Variants in GRM4 observed in about 807,000 individuals in gnomAD.
GRM4 encodes the protein metabotropic glutamate receptor 4.
A neutral mutation model predicts 81.7 loss-of-function variants in GRM4; 28 were observed. The observed-to-expected ratio is 0.34, with a 90% CI of 0.25 to 0.47. GRM4 has a LOEUF of 0.47. Ranked by LOEUF, GRM4 falls within the 20% of genes least tolerant of loss-of-function variation. GRM4 has a pLI of 1.00. For missense variants in GRM4, 948 were observed against 1,290.0 expected (o/e 0.73, Z 4.06); for synonymous variants, 488 against 528.8 (o/e 0.92, Z 1.06).
At chr6:34,083,965 CT>C (rs1221688064) in intron 3 of GRM4, among the ~76,000 whole-genome samples, 1 of 152,212 alleles carries the variant, frequency 6.6e-6, no homozygotes, top group Non-Finnish European at 1.5e-5. Flanking sequence ...GGGGTCACCC[CT>C]GACATCCACT....
chr6:34,063,523 A>ACACACACACGCATG (rs1766287792), intron 3 of GRM4: 2 of 152,622 alleles, frequency 1.3e-5, no homozygotes, highest in African/African-American at 4.8e-5. Flanking sequence ...AGGACACAAC[A>ACACACACACGCATG]CACACACACG....
At chr6:34,141,523 C>A (rs1287415942) in intron 1 of GRM4, among the ~76,000 whole-genome samples, 1 of 152,294 alleles carries the variant, frequency 6.6e-6, no homozygotes, top group Non-Finnish European at 1.5e-5. Context: ...ACTGCTGCCA[C>A]GAGATTGCTA....
At chr6:34,153,832 C>T (rs1416042927) in intron 1 of GRM4, among the ~76,000 whole-genome samples, 1 of 151,142 alleles carries the variant, frequency 6.6e-6, no homozygotes, top group East Asian at 1.9e-4. Context: ...GAGGCTGAGG[C>T]ATGAGAATCA....
chr6:34,140,050 C>T (rs890337211), intron 1 of GRM4, among the ~76,000 whole-genome samples: 1 of 151,974 alleles, frequency 6.6e-6, no homozygotes, highest in Admixed American at 6.5e-5. Flanking sequence ...TTCAGGGGAT[C>T]AGGCGATATG....
At position 34,133,575 on chromosome 6, in the gene GRM4, G is replaced by T; in HGVS notation, c.-79C>A. On this transcript the variant is annotated 5_prime_UTR_variant, in exon 2 of 11. Coordinates refer to ENST00000538487, the MANE Select transcript of GRM4 (RefSeq NM_000841.4). The surrounding 1 kb of genome is among the most constrained non-coding windows in gnomAD (Gnocchi z 6.5). ...GCCCCTGGCCCCACGGCCTGGGTGG[G>T]CATGGGCAGGGCAGCTTCAGCAGCA... 1 of 1,491,416 alleles carries T rather than the reference G, an allele frequency of 6.7e-7. No individual in the cohort carries two copies. The highest frequency in any genetic ancestry group is 8.9e-7 in the Non-Finnish European group (1 of 1,128,434). 92.4% of individuals were successfully genotyped at this position (1,491,416 alleles called of 1,614,324 possible).
rs1766639026 is a variant in GRM4 at position 34,069,056 on chromosome 6, G to A, written c.737-7028C>T. On this transcript the variant is annotated intron_variant, in intron 3 of 10. Transcript: ENST00000538487. This position sits in a 1 kb window ranked among gnomAD's most constrained non-coding sequence, Gnocchi z 6.4. ...GCAATTTCCAGTGGGGTAGGGGGTGGGGAGTTACACACAGGGACAGGGGCA... is the reference window on the plus strand; with the variant it reads ...GCAATTTCCAGTGGGGTAGGGGGTGAGGAGTTACACACAGGGACAGGGGCA... Among the ~76,000 whole-genome samples, 1 of 152,038 alleles carries A rather than the reference G, an allele frequency of 6.6e-6. No individual in the cohort carries two copies. The highest frequency in any genetic ancestry group is 1.5e-5 in the Non-Finnish European group (1 of 67,998).
intron 8 of GRM4, among the ~76,000 whole-genome samples, chr6:34,037,329 C>T (rs1019725143): frequency 2.0e-5 from 3 of 152,236 alleles, no homozygotes; most frequent in Admixed American, 2.0e-4. Flanking sequence ...TTGTCACACC[C>T]TACTGAATAT....
chr6:34,103,994 C>T, intron 2 of GRM4: 1 of 411,818 alleles, frequency 2.4e-6, no homozygotes, highest in Admixed American at 4.7e-5. Context: ...CTTGGTAACC[C>T]TCACCACGGC....
chr6:34,144,232 T>A (rs1178293178), intron 1 of GRM4, among the ~76,000 whole-genome samples: 2 of 152,178 alleles, frequency 1.3e-5, no homozygotes, highest in African/African-American at 4.8e-5. Flanking sequence ...CAGACCGCCC[T>A]GGTGCGGGGG....
chr6:34,072,054 C>T (rs1766922847), intron 3 of GRM4, among the ~76,000 whole-genome samples: 1 of 152,228 alleles, frequency 6.6e-6, no homozygotes, highest in Non-Finnish European at 1.5e-5. Flanking sequence ...GCCACACACA[C>T]ACCCATACAT....
chr6:34,076,547 C>A (rs1017849401), intron 3 of GRM4, among the ~76,000 whole-genome samples: 11 of 152,210 alleles, frequency 7.2e-5, no homozygotes, highest in African/African-American at 2.7e-4. Flanking sequence ...TGGCCCACAC[C>A]GGGGAGGAGG....
Position 34,070,774 on chromosome 6 carries a change from C to A in GRM4, c.737-8746G>T, listed in dbSNP as rs928476776. Among the ~76,000 whole-genome samples the A allele has an allele frequency of 3.5e-5, 5 of 144,604 alleles. No individual in the cohort carries two copies. Among genetic ancestry groups the A allele is most frequent in the Non-Finnish European group, 7.5e-5 (5 of 66,288 alleles). The allele number at this position is 144,604 out of a possible 152,430, so 94.9% of individuals were successfully genotyped here. A position where few individuals can be genotyped will look rare whatever the true frequency, so the allele number is the denominator to read the frequency against. The stretch of plus-strand genomic sequence containing the variant: ...GAAGGCTCTCAGCACCCCCACCACA[C>A]CCCCGCCACACCCCCAGCCACACAC... On this transcript the variant is annotated intron_variant, in intron 3 of 10. Transcript: ENST00000538487. The surrounding 1 kb of genome is among the most constrained non-coding windows in gnomAD (Gnocchi z 4.6).
chr6:34,099,755 CG>C (rs1158684014), intron 2 of GRM4, among the ~76,000 whole-genome samples: 1 of 152,120 alleles, frequency 6.6e-6, no homozygotes, highest in African/African-American at 2.4e-5. Flanking sequence ...GGGGAAATGG[CG>C]GGGGGCACCT....
At chr6:34,107,847 G>A (rs1015119350) in intron 2 of GRM4, among the ~76,000 whole-genome samples, 5 of 152,200 alleles carry the variant, frequency 3.3e-5, no homozygotes, top group Non-Finnish European at 7.3e-5. Context: ...TGGAGATGGA[G>A]AGAAATACAA....
intron 3 of GRM4, among the ~76,000 whole-genome samples, chr6:34,063,814 C>T (rs1581638151): frequency 1.3e-5 from 2 of 152,264 alleles, no homozygotes; most frequent in Admixed American, 1.3e-4. Context: ...GAAAGTGGGC[C>T]AATTGCGACA....
In GRM4 at chr6:34,036,351, A is replaced by G; in HGVS notation, c.1759T>C (p.Trp587Arg). The G allele has an allele frequency of 6.2e-7, 1 of 1,613,682 alleles. No homozygotes were observed. Among genetic ancestry groups the G allele is most frequent in the Non-Finnish European group, 8.5e-7 (1 of 1,179,824 alleles). Residue 587 changes from tryptophan to arginine, a missense_variant, in exon 9 of 11, where the codon TGG (tryptophan) becomes CGG (arginine). Coordinates refer to ENST00000538487, the MANE Select transcript of GRM4 (RefSeq NM_000841.4). This position sits in a 1 kb window ranked among gnomAD's most constrained non-coding sequence, Gnocchi z 9.0. ...PIIKLEWGSP[W>R]AVLPLFLAVV... ...GCCAGGAAGAGGGGCAGCACGGCCC[A>G]GGGCGAGCCCCACTCAAGCTTGATG...
chr6:34,122,728 T>TTGTCTGTCTGTCTGTC (rs370079388), intron 2 of GRM4, among the ~76,000 whole-genome samples: 3,064 of 150,746 alleles, frequency 0.02, 69 homozygotes, highest in African/African-American at 0.058. Flanking sequence ...CTTCCCCGGT[T>TTGTCTGTCTGTCTGTC]TGTCTGTCTG....
Position 34,086,129 on chromosome 6 carries a change from G to A in GRM4, c.736+5754C>T, listed in dbSNP as rs117952886. On this transcript the variant is annotated intron_variant, in intron 3 of 10. Coordinates refer to ENST00000538487, the MANE Select transcript of GRM4 (RefSeq NM_000841.4). ...GGGGCCAGCCCCCTTGGCTCTGGCC[G>A]TACAGATCTCCACCTCATCCCCGTG... 1.7e-3 allele frequency among the ~76,000 whole-genome samples: 260 copies of A among 152,320 alleles called. 5 individuals carry two copies. In the East Asian group the frequency reaches 0.031, roughly 18 times the overall value.
Position 34,048,422 on chromosome 6 carries a change from G to C in GRM4, c.1169-7674C>G, listed in dbSNP as rs1365890920. Among the ~76,000 whole-genome samples the C allele has an allele frequency of 6.6e-6, 1 of 152,092 alleles. No individual in the cohort carries two copies. Among genetic ancestry groups the C allele is most frequent in the Non-Finnish European group, 1.5e-5 (1 of 68,014 alleles). On this transcript the variant is annotated intron_variant, in intron 6 of 10. Transcript: ENST00000538487. The surrounding 1 kb of genome is among the most constrained non-coding windows in gnomAD (Gnocchi z 4.0). Reference sequence around the variant, plus strand: ...GAGGCCAACACACCTCGGCTGAGGAGCTGGGGCTCAGCTCTCCCACACAGG... The same window carrying C: ...GAGGCCAACACACCTCGGCTGAGGACCTGGGGCTCAGCTCTCCCACACAGG...
Sources: gnomAD v4.1 joint callset for allele counts (sites outside exome capture counted in the v4.1 genomes callset) on GRCh38, gnomAD v4.1.1 for gene constraint, Gnocchi (gnomAD v3.1) non-coding constraint, MANE v1.5 for transcripts, NCBI Gene and HGNC (gene_info 2026-07-23, HGNC 2026-07-21) for gene names.